Variants in MINPP1 observed in about 807,000 individuals in gnomAD.
MINPP1 encodes multiple inositol polyphosphate phosphatase 1.
Under a neutral mutation model 46.1 loss-of-function variants are expected in MINPP1, and 28 were observed. That is an observed-to-expected ratio of 0.61 (90% CI 0.45 to 0.83). MINPP1 has a LOEUF of 0.83. Ranked by LOEUF, MINPP1 falls within the 40% of genes least tolerant of loss-of-function variation. The probability of loss-of-function intolerance (pLI) is 0.00; values close to 1 mark genes in which losing one functional copy is unlikely to be tolerated. For synonymous variants in MINPP1, 268 were observed against 249.1 expected (o/e 1.08, Z -0.72); for missense variants, 603 against 610.0 (o/e 0.99, Z 0.12).
At chr10:87,508,034 C>T (rs1851278423) in intron 1 of MINPP1, 7 of 1,401,046 alleles carry the variant, frequency 5.0e-6, no homozygotes, top group South Asian at 1.7e-5. Flanking sequence ...TAAAGTTTTC[C>T]GTGCCTGACA....
At chr10:87,521,843 C>A (rs1334575256) in intron 4 of MINPP1, among the ~76,000 whole-genome samples, 1 of 152,164 alleles carries the variant, frequency 6.6e-6, no homozygotes, top group Non-Finnish European at 1.5e-5. Flanking sequence ...TTATAATCTT[C>A]AATTAAAAAT....
chr10:87,507,072 G>A (rs1363075371), intron 1 of MINPP1, among the ~76,000 whole-genome samples: 1 of 152,180 alleles, frequency 6.6e-6, no homozygotes, highest in African/African-American at 2.4e-5. Context: ...ATGGCATTGC[G>A]AAGACTGGCA....
chr10:87,508,197 TG>T, intron 1 of MINPP1, 138 bp from the exon 2 acceptor site: 15 of 1,548,236 alleles, frequency 9.7e-6, no homozygotes, highest in Non-Finnish European at 1.1e-5. Context: ...AAGAGTTTCC[TG>T]ACCAATATGT....
Position 87,536,942 on chromosome 10 carries a change from C to CT in MINPP1, c.1068-15128dup, listed in dbSNP as rs968287819. On this transcript the variant is annotated intron_variant, in intron 4 of 4. Coordinates refer to ENST00000371996, the MANE Select transcript of MINPP1 (RefSeq NM_004897.5). The stretch of plus-strand genomic sequence containing the variant: ...GAGTCTTAAGTAGGTGTATTTTTCA[C>CT]TTTTTTTTTTTTGAGACAGAGTCTT... 8.7e-3 allele frequency among the ~76,000 whole-genome samples: 1,272 copies of CT among 146,262 alleles called. 14 individuals carry two copies. The highest frequency in any genetic ancestry group is 0.026 in the African/African-American group (1,041 of 40,288).
At chr10:87,511,341 T>C (rs141235427) in intron 2 of MINPP1, among the ~76,000 whole-genome samples, 50 of 152,332 alleles carry the variant, frequency 3.3e-4, no homozygotes, top group African/African-American at 1.2e-3. Context: ...TTATGGCTTC[T>C]GAGTGTTGTA....
At chr10:87,547,475 C>T (rs912639561) in intron 4 of MINPP1, among the ~76,000 whole-genome samples, 1 of 152,122 alleles carries the variant, frequency 6.6e-6, no homozygotes, top group Non-Finnish European at 1.5e-5. Flanking sequence ...TTACTCTACT[C>T]CTCATAAACA....
At chr10:87,514,956 T>A (rs1364838461) in intron 3 of MINPP1, among the ~76,000 whole-genome samples, 1 of 151,932 alleles carries the variant, frequency 6.6e-6, no homozygotes. Context: ...CCTTAGGTGA[T>A]CTGCCCGCCT....
chr10:87,546,561 C>T (rs964229862), intron 4 of MINPP1: 3 of 152,178 alleles, frequency 2.0e-5, no homozygotes, highest in African/African-American at 4.8e-5. Flanking sequence ...TCTTATTGCA[C>T]GTTCATTTCA....
intron 4 of MINPP1, among the ~76,000 whole-genome samples, chr10:87,538,052 C>T (rs1851762983): frequency 6.6e-6 from 1 of 151,008 alleles, no homozygotes; most frequent in African/African-American, 2.4e-5. Flanking sequence ...TCCTTCCCCT[C>T]TGCTTCTGGA....
At chr10:87,535,928 C>CTAAATAAA (rs34576339) in intron 4 of MINPP1, among the ~76,000 whole-genome samples, 13 of 151,298 alleles carry the variant, frequency 8.6e-5, no homozygotes, top group East Asian at 7.8e-4. Context: ...GACCCTGTCT[C>CTAAATAAA]TAAATAAATA....
chr10:87,509,051 C>T (rs552712036), intron 2 of MINPP1, among the ~76,000 whole-genome samples: 2 of 152,244 alleles, frequency 1.3e-5, no homozygotes, highest in South Asian at 4.1e-4. Flanking sequence ...GATGGGCTGA[C>T]TATGCAACTT....
intron 4 of MINPP1, among the ~76,000 whole-genome samples, chr10:87,535,473 G>A (rs962097232): frequency 3.3e-5 from 5 of 152,188 alleles, no homozygotes; most frequent in Non-Finnish European, 7.3e-5. Context: ...AAGACATCAA[G>A]GAAGAAGAGT....
At chr10:87,549,703 T>C (rs1022386131) in intron 4 of MINPP1, among the ~76,000 whole-genome samples, 1 of 152,164 alleles carries the variant, frequency 6.6e-6, no homozygotes, top group African/African-American at 2.4e-5. Flanking sequence ...AGTAAATTCT[T>C]CTGGTTAGAC....
intron 4 of MINPP1, among the ~76,000 whole-genome samples, chr10:87,526,984 C>T (rs1851586563): frequency 6.6e-6 from 1 of 152,258 alleles, no homozygotes; most frequent in East Asian, 1.9e-4. Flanking sequence ...TAGCATGATG[C>T]CTCCAGCTTT....
rs1187717846 is a variant in MINPP1, at chr10:87,552,436, ATG to A, written c.1425_1426del (p.Cys475Ter). On this transcript the variant is annotated frameshift_variant, in exon 5 of 5. Coordinates refer to ENST00000371996, the MANE Select transcript of MINPP1 (RefSeq NM_004897.5). LOFTEE classifies it high-confidence loss of function. ...TTCAGAGTTGTCAAACCAGTGAAGA[ATG>A]TGAATTAGCAAGGGCTAACAGTACA... ...ILQSCQTSEE[C>X]ELARANSTSD... 2 of 1,613,150 alleles carry A rather than the reference ATG, an allele frequency of 1.2e-6. No homozygotes were observed. The highest frequency in any genetic ancestry group is 1.7e-6 in the Non-Finnish European group (2 of 1,179,694).
At chr10:87,517,961 CTTT>C (rs765109040) in intron 3 of MINPP1, among the ~76,000 whole-genome samples, 1 of 137,186 alleles carries the variant, frequency 7.3e-6, no homozygotes, top group African/African-American at 2.7e-5. Flanking sequence ...TGCACCTGGC[CTTT>C]TTTTTTTTTT....
intron 2 of MINPP1, 31 bp downstream of exon 2, chr10:87,508,564 T>G: frequency 1.9e-6 from 3 of 1,567,434 alleles, no homozygotes; most frequent in Non-Finnish European, 2.6e-6. Context: ...TATTTGAACT[T>G]AACAGTTTAA....
At chr10:87,540,575 T>C (rs1210030754) in intron 4 of MINPP1, among the ~76,000 whole-genome samples, 1 of 152,110 alleles carries the variant, frequency 6.6e-6, no homozygotes, top group Non-Finnish European at 1.5e-5. Context: ...ACCCATTTAT[T>C]GTTGCCAGTA....
At chr10:87,548,588 T>C (rs1326016599) in intron 4 of MINPP1, among the ~76,000 whole-genome samples, 1 of 152,108 alleles carries the variant, frequency 6.6e-6, no homozygotes, top group Admixed American at 6.5e-5. Flanking sequence ...ATGAATGAAA[T>C]TGTGCTCTTT....
Sources: gnomAD v4.1 joint callset for allele counts (sites outside exome capture counted in the v4.1 genomes callset) on GRCh38, gnomAD v4.1.1 for gene constraint, MANE v1.5 for transcripts, NCBI Gene and HGNC (gene_info 2026-07-23, HGNC 2026-07-21) for gene names.